NUP214: variants seen among roughly 807,000 people sequenced by gnomAD.
NUP214 encodes nucleoporin 214.
In NUP214, 79 loss-of-function variants were observed where a neutral mutation model predicts 196.2. That is an observed-to-expected ratio of 0.40 (90% CI 0.34 to 0.49). The LOEUF is 0.49. Among genes scored for constraint, NUP214 ranks in the 20% least tolerant of loss-of-function variants. The probability of loss-of-function intolerance (pLI) is 0.58; values close to 1 mark genes in which losing one functional copy is unlikely to be tolerated. For missense variants in NUP214, 2,468 were observed against 2,539.0 expected, an observed-to-expected ratio of 0.97 and a Z score of 0.60; for synonymous variants, 1,020 against 990.5, an observed-to-expected ratio of 1.03 and a Z score of -0.56.
At chr9:131,220,903 C>CT (rs1834538256) in intron 31 of NUP214, among the ~76,000 whole-genome samples, 1 of 152,370 alleles carries the variant, frequency 6.6e-6, no homozygotes, top group African/African-American at 2.4e-5. Context: ...CTTCCCACCA[C>CT]TGTCCCAATA....
In NUP214 at chr9:131,132,663, A is replaced by G. The variant is rs1831592044; in HGVS notation, c.727+4A>G. 4 of 1,613,248 alleles carry G rather than the reference A, an allele frequency of 2.5e-6. No homozygotes were observed. Among genetic ancestry groups the G allele is most frequent in the Non-Finnish European group, 2.5e-6 (3 of 1,179,204 alleles). ...GAGTCAGATCATCCTGTCAGAGGTAACAACTGCTTTTCTTATTGGGCTGAC... is the reference window on the plus strand; with the variant it reads ...GAGTCAGATCATCCTGTCAGAGGTAGCAACTGCTTTTCTTATTGGGCTGAC... On this transcript the variant is annotated splice_donor_region_variant and intron_variant, in intron 6 of 35. Transcript: ENST00000359428.
Position 131,171,051 on chromosome 9 carries a change from G to T in NUP214, c.2894-3004G>T, listed in dbSNP as rs117554147. Among the ~76,000 whole-genome samples the T allele has an allele frequency of 2.9e-3, 427 of 146,170 alleles. 1 individual carries two copies. The highest frequency in any genetic ancestry group is 5.0e-3 in the Non-Finnish European group (332 of 66,466). On this transcript the variant is annotated intron_variant, in intron 21 of 35. Coordinates refer to ENST00000359428, the MANE Select transcript of NUP214 (RefSeq NM_005085.4). The stretch of plus-strand genomic sequence containing the variant: ...CTGACGTAGAGTGTAAACAGAATAA[G>T]ATTCTTTAAATTTCAGTGGGACGCT...
intron 26 of NUP214, 117 bp downstream of exon 26, chr9:131,189,248 G>T: frequency 2.4e-6 from 2 of 829,088 alleles, no homozygotes; most frequent in South Asian, 2.8e-5. Flanking sequence ...TGATGAGATC[G>T]GGAGCATTCA....
chr9:131,156,365 C>G (rs558553643), intron 17 of NUP214, among the ~76,000 whole-genome samples: 27 of 152,014 alleles, frequency 1.8e-4, no homozygotes, highest in African/African-American at 6.0e-4. Flanking sequence ...ATCTCCTGAC[C>G]TCATGATCCA....
intron 21 of NUP214, 95 bp downstream of exon 21, chr9:131,164,239 T>A: frequency 2.8e-6 from 3 of 1,088,812 alleles, no homozygotes; most frequent in Non-Finnish European, 4.2e-6. Flanking sequence ...ATGTGTGAGC[T>A]AGGGTGCTGT....
intron 9 of NUP214, among the ~76,000 whole-genome samples, chr9:131,137,404 A>G (rs1220082458): frequency 6.6e-6 from 1 of 152,090 alleles, no homozygotes; most frequent in African/African-American, 2.4e-5. Flanking sequence ...TTTAGACCTT[A>G]CTGACTGTAC....
At chr9:131,203,167 G>A (rs144553250) in intron 30 of NUP214, among the ~76,000 whole-genome samples, 3 of 151,122 alleles carry the variant, frequency 2.0e-5, no homozygotes, top group Non-Finnish European at 3.0e-5. Flanking sequence ...GGATGGTCTC[G>A]ATCTCCTGAT....
At position 131,233,904 on chromosome 9, in the gene NUP214, G is replaced by A. The variant is rs1227704340; in HGVS notation, c.*417G>A. ...CCTAGCGCCCTCCACATAGGGAAGA[G>A]GTTGAATGCTGGTGGGTCATCTTTT... On this transcript the variant is annotated 3_prime_UTR_variant, in exon 36 of 36. Coordinates refer to ENST00000359428, the MANE Select transcript of NUP214 (RefSeq NM_005085.4). The A allele has an allele frequency of 3.5e-5, 10 of 285,862 alleles. No individual in the cohort carries two copies. Among genetic ancestry groups the A allele is most frequent in the African/African-American group, 2.1e-5 (1 of 46,572 alleles). The allele number at this position is 285,862 out of a possible 1,614,324, so 17.7% of individuals were successfully genotyped here. A position where few individuals can be genotyped will look rare whatever the true frequency, so the allele number is the denominator to read the frequency against.
intron 32 of NUP214, among the ~76,000 whole-genome samples, chr9:131,227,669 T>G (rs536101538): frequency 1.3e-5 from 2 of 152,222 alleles, no homozygotes; most frequent in African/African-American, 4.8e-5. Context: ...ATTTTATAAT[T>G]TGGGTTTCTA....
intron 24 of NUP214, among the ~76,000 whole-genome samples, chr9:131,183,892 AT>A (rs965003757): frequency 1.6e-4 from 25 of 151,996 alleles, no homozygotes; most frequent in Admixed American, 1.4e-3. Context: ...TTAGAGAAAA[AT>A]TTGGATGCAT....
intron 33 of NUP214, chr9:131,228,923 G>A (rs902614631): frequency 6.6e-6 from 1 of 152,124 alleles, no homozygotes; most frequent in African/African-American, 2.4e-5. Context: ...TCGCTTTTAA[G>A]GGCAGAATTT....
chr9:131,209,682 C>A (rs1588169276), intron 30 of NUP214, among the ~76,000 whole-genome samples: 2 of 152,198 alleles, frequency 1.3e-5, no homozygotes, highest in African/African-American at 4.8e-5. Context: ...GCGTGAGCCA[C>A]TACACCTGGC....
intron 17 of NUP214, among the ~76,000 whole-genome samples, chr9:131,158,686 A>G (rs760095950): frequency 1.6e-4 from 25 of 152,234 alleles, no homozygotes; most frequent in Non-Finnish European, 2.6e-4. Context: ...AAATGGATGC[A>G]CTGTCTGAGT....
chr9:131,162,543 C>G (rs143570814), intron 18 of NUP214, among the ~76,000 whole-genome samples: 1 of 152,206 alleles, frequency 6.6e-6, no homozygotes, highest in African/African-American at 2.4e-5. Context: ...TTATGCTGTC[C>G]CCCTATTTCT....
chr9:131,151,101 T>C (rs1222733330), intron 16 of NUP214, among the ~76,000 whole-genome samples: 1 of 152,240 alleles, frequency 6.6e-6, no homozygotes, highest in Admixed American at 6.5e-5. Flanking sequence ...AATTTTACTA[T>C]CTCAAATAGT....
rs555034285 is a variant in NUP214 at position 131,129,294 on chromosome 9, C to A, written c.409C>A (p.Arg137Ser). The change falls in exon 4 of 36, where the codon CGC becomes AGC. Residue 137 changes from arginine to serine, a missense_variant. Arg to Ser is a moderately radical substitution (Grantham distance 110). Coordinates refer to ENST00000359428, the MANE Select transcript of NUP214 (RefSeq NM_005085.4). ...GTTTTAAAAGGCTAAACAGCAAAAA[C>A]GCCCATTTGCCTATCATAAGCTTTT... ...TFSNEAKQQK[R>S]PFAYHKLLKD... 1.2e-6 allele frequency: 2 copies of A among 1,613,916 alleles called. No homozygotes were observed. Among genetic ancestry groups the A allele is most frequent in the African/African-American group, 2.7e-5 (2 of 74,910 alleles).
chr9:131,158,569 GGAA>G (rs753033566), intron 17 of NUP214, among the ~76,000 whole-genome samples: 79 of 152,154 alleles, frequency 5.2e-4, no homozygotes, highest in Non-Finnish European at 1.1e-3. Flanking sequence ...TTCTCAAATG[GGAA>G]GATGACTTAT....
In NUP214 at chr9:131,130,784, GA is replaced by G; in HGVS notation, c.614del (p.Lys205SerfsTer52). On this transcript the variant is annotated frameshift_variant, in exon 5 of 36. Transcript: ENST00000359428. LOFTEE classifies it high-confidence loss of function. ...AVTSVCWSPK[G>X]KQLAVGKQNG... ...TGCTCAGTGTGCTGGAGCCCCAAAGGAAAGCAGCTGGCAGTGGGAAAACAGA... is the reference window on the plus strand; with the variant it reads ...TGCTCAGTGTGCTGGAGCCCCAAAGGAAGCAGCTGGCAGTGGGAAAACAGA... 6.2e-7 allele frequency: 1 copy of G among 1,614,138 alleles called. No individual in the cohort carries two copies. Among genetic ancestry groups the G allele is most frequent in the Non-Finnish European group, 8.5e-7 (1 of 1,180,000 alleles).
chr9:131,167,988 G>A (rs1351867818), intron 21 of NUP214, among the ~76,000 whole-genome samples: 3 of 152,152 alleles, frequency 2.0e-5, no homozygotes, highest in South Asian at 4.1e-4. Flanking sequence ...TGGCTGAAGC[G>A]ATCCTCCTGC....
Sources: allele counts gnomAD v4.1 joint callset (sites outside exome capture counted in the v4.1 genomes callset), GRCh38; gene constraint gnomAD v4.1.1; transcripts MANE v1.5; gene names NCBI Gene and HGNC (gene_info 2026-07-23, HGNC 2026-07-21).